NKAIN2: variants seen among roughly 807,000 people sequenced by gnomAD.
NKAIN2 encodes sodium/potassium-transporting ATPase subunit beta-1-interacting protein 2.
NKAIN2 carries 14 observed loss-of-function variants against 32.6 expected under a neutral mutation model. That is an observed-to-expected ratio of 0.43 (90% confidence interval 0.28 to 0.67). The LOEUF (loss-of-function observed/expected upper bound fraction) is 0.67, where lower values mean the gene tolerates loss of function less well. Among genes scored for constraint, NKAIN2 ranks in the 30% least tolerant of loss-of-function variants. The probability of loss-of-function intolerance (pLI) is 0.17; values close to 1 mark genes in which losing one functional copy is unlikely to be tolerated. For synonymous variants in NKAIN2, 80 were observed against 87.2 expected, an observed-to-expected ratio of 0.92 and a Z score of 0.46; for missense variants, 198 against 258.3, an observed-to-expected ratio of 0.77 and a Z score of 1.60.
At chr6:124,100,579 G>T (rs1299061558) in intron 1 of NKAIN2, among the ~76,000 whole-genome samples, 1 of 152,172 alleles carries the variant, frequency 6.6e-6, no homozygotes, top group African/African-American at 2.4e-5. Flanking sequence ...TTTGAGATGC[G>T]ATTGTATCAA....
At position 124,059,864 on chromosome 6, in the gene NKAIN2, T is replaced by C. The variant is rs1582556250; in HGVS notation, c.55-223141T>C. 2.0e-5 allele frequency among the ~76,000 whole-genome samples: 3 copies of C among 152,272 alleles called. No homozygotes were observed. The East Asian group carries it at 5.8e-4, about 29-fold the overall frequency. On this transcript the variant is annotated intron_variant, in intron 1 of 6. Coordinates refer to ENST00000368417, the MANE Select transcript of NKAIN2 (RefSeq NM_001040214.3). Reference sequence around the variant, plus strand: ...CTCCTATTATCTTTGCTTATTTGTGTCTAGAGCTAAGCAGCCCTTTTCTGT... The same window carrying C: ...CTCCTATTATCTTTGCTTATTTGTGCCTAGAGCTAAGCAGCCCTTTTCTGT...
intron 1 of NKAIN2, among the ~76,000 whole-genome samples, chr6:124,238,968 C>A (rs1288744492): frequency 6.6e-6 from 1 of 151,524 alleles, no homozygotes; most frequent in Non-Finnish European, 1.5e-5. Context: ...GCACAACTAG[C>A]AAATTGTATA....
At chr6:123,814,002 G>C (rs1773590031) in intron 1 of NKAIN2, among the ~76,000 whole-genome samples, 1 of 152,036 alleles carries the variant, frequency 6.6e-6, no homozygotes, top group South Asian at 2.1e-4. Flanking sequence ...GGAATTAATG[G>C]AGTTTCATTT....
At chr6:124,610,594 C>T (rs1782654511) in intron 3 of NKAIN2, among the ~76,000 whole-genome samples, 3 of 152,156 alleles carry the variant, frequency 2.0e-5, no homozygotes, top group Non-Finnish European at 4.4e-5. Flanking sequence ...AATTATCATA[C>T]ACTTTGCTAG....
chr6:124,349,514 C>A (rs1798614388), intron 2 of NKAIN2, among the ~76,000 whole-genome samples: 1 of 152,180 alleles, frequency 6.6e-6, no homozygotes, highest in South Asian at 2.1e-4. Context: ...AATTGTCAAT[C>A]ATTAATACAT....
rs17052336 is a variant in NKAIN2, at chr6:124,757,603, A to G, written c.475-33736A>G. 4.0e-3 allele frequency among the ~76,000 whole-genome samples: 604 copies of G among 152,098 alleles called. 4 individuals are homozygous for G. The highest frequency in any genetic ancestry group is 0.014 in the African/African-American group (571 of 41,556). ...TAGGCCAATTGATGCATGTCTGTAG[A>G]ATTAAAACAGGCTTCTTTAAGATAT... On this transcript the variant is annotated intron_variant, in intron 4 of 6. Coordinates refer to ENST00000368417, the MANE Select transcript of NKAIN2 (RefSeq NM_001040214.3).
chr6:123,868,298 G>A (rs981110824), intron 1 of NKAIN2, among the ~76,000 whole-genome samples: 7 of 152,192 alleles, frequency 4.6e-5, no homozygotes. Context: ...CTGAGACTAA[G>A]TAGATTCTCA....
intron 1 of NKAIN2, among the ~76,000 whole-genome samples, chr6:123,980,703 TC>T (rs869169460): frequency 7.1e-6 from 1 of 140,484 alleles, no homozygotes; most frequent in African/African-American, 2.5e-5. Flanking sequence ...TTTTGAATGT[TC>T]AAGTCAGATG....
At chr6:124,440,566 G>A (rs1775643938) in intron 3 of NKAIN2, among the ~76,000 whole-genome samples, 1 of 151,830 alleles carries the variant, frequency 6.6e-6, no homozygotes, top group African/African-American at 2.4e-5. Context: ...ATTAAAATTG[G>A]GCAAGTGAGT....
rs903282664 is a variant in NKAIN2, at chr6:123,912,093, G to C, written c.54+107839G>C. 4.6e-5 allele frequency among the ~76,000 whole-genome samples: 7 copies of C among 151,424 alleles called. No homozygotes were observed. The South Asian group carries it at 8.4e-4, about 18-fold the overall frequency. ...ATACAGAGAGGTAGATACTTGTCTT[G>C]CTTAGTACACCAATTTCCATGTTTT... On this transcript the variant is annotated intron_variant, in intron 1 of 6. Transcript: ENST00000368417.
At chr6:124,154,609 C>T (rs1787892682) in intron 1 of NKAIN2, among the ~76,000 whole-genome samples, 1 of 151,850 alleles carries the variant, frequency 6.6e-6, no homozygotes, top group Admixed American at 6.6e-5. Flanking sequence ...AAATGAAAAT[C>T]GTATATATTT....
intron 3 of NKAIN2, among the ~76,000 whole-genome samples, chr6:124,384,077 G>A (rs1772775204): frequency 6.6e-6 from 1 of 152,060 alleles, no homozygotes. Context: ...CATTCTCTAG[G>A]AACATAATAG....
chr6:123,947,382 A>G (rs867863132), intron 1 of NKAIN2, among the ~76,000 whole-genome samples: 14 of 152,150 alleles, frequency 9.2e-5, no homozygotes, highest in African/African-American at 3.4e-4. Flanking sequence ...GCCATTTCAA[A>G]TATTATATTT....
At chr6:124,166,455 A>C (rs9375311) in intron 1 of NKAIN2, among the ~76,000 whole-genome samples, 115,711 of 149,038 alleles carry the variant, frequency 0.78, 46,609 homozygotes, top group South Asian at 0.9. Context: ...AATTTTCTCC[A>C]ATTTTGTAGG....
At chr6:123,995,776 A>G (rs1441135416) in intron 1 of NKAIN2, among the ~76,000 whole-genome samples, 2 of 152,170 alleles carry the variant, frequency 1.3e-5, no homozygotes, top group African/African-American at 4.8e-5. Flanking sequence ...AGATGCTGTA[A>G]TAGTTACTAA....
intron 3 of NKAIN2, among the ~76,000 whole-genome samples, chr6:124,411,946 G>T (rs915458877): frequency 5.9e-5 from 9 of 152,122 alleles, no homozygotes; most frequent in Non-Finnish European, 1.3e-4. Context: ...TTCCATCGCT[G>T]ATACCCTTTC....
Position 124,824,689 on chromosome 6 carries a change from A to G in NKAIN2, c.*1460A>G, listed in dbSNP as rs576045303. The G allele has an allele frequency of 2.0e-5, 3 of 152,318 alleles. No individual in the cohort carries two copies. The highest frequency in any genetic ancestry group is 4.1e-4 in the South Asian group (2 of 4,826). 9.4% of individuals were successfully genotyped at this position (152,318 alleles called of 1,614,324 possible). ...GGATACACCTGAGACATTAAACTCA[A>G]TTTTTTAAAACTAACACACCATTCT... On this transcript the variant is annotated 3_prime_UTR_variant, in exon 7 of 7. Transcript: ENST00000368417.
At chr6:124,352,958 G>A (rs534798481) in intron 2 of NKAIN2, among the ~76,000 whole-genome samples, 14 of 152,244 alleles carry the variant, frequency 9.2e-5, no homozygotes, top group Middle Eastern at 3.4e-3. Context: ...TAAGCAGTTA[G>A]ATGAAACCAA....
At chr6:123,942,748 C>A (rs1056606216) in intron 1 of NKAIN2, among the ~76,000 whole-genome samples, 1 of 152,020 alleles carries the variant, frequency 6.6e-6, no homozygotes, top group Non-Finnish European at 1.5e-5. Context: ...TCGTGGAAGA[C>A]TGGCTTCTTA....
Sources: allele counts gnomAD v4.1 joint callset (sites outside exome capture counted in the v4.1 genomes callset), GRCh38; gene constraint gnomAD v4.1.1; transcripts MANE v1.5; gene names NCBI Gene and HGNC (gene_info 2026-07-23, HGNC 2026-07-21).